SATB2: variants seen among roughly 807,000 people sequenced by gnomAD.
The protein encoded by SATB2 is DNA-binding protein SATB2.
A neutral mutation model predicts 73.4 loss-of-function variants in SATB2; 1 was observed. The observed-to-expected ratio is 0.01, with a 90% CI of 0.00 to 0.06. The LOEUF is 0.06. Ranked by LOEUF, SATB2 falls within the 10% of genes least tolerant of loss-of-function variation. The pLI, the probability that SATB2 is intolerant of heterozygous loss-of-function variation, is 1.00. For missense variants in SATB2, 459 were observed against 945.8 expected (o/e 0.49, Z 6.75); for synonymous variants, 397 against 367.0 (o/e 1.08, Z -0.93).
intron 6 of SATB2, among the ~76,000 whole-genome samples, chr2:199,351,223 G>A (rs865844162): frequency 1.7e-4 from 26 of 148,758 alleles, no homozygotes; most frequent in African/African-American, 4.0e-4. Flanking sequence ...GTGCAATGGC[G>A]CAATCTCAGC....
At chr2:199,416,603 G>A (rs945337129) in intron 3 of SATB2, among the ~76,000 whole-genome samples, 3 of 152,210 alleles carry the variant, frequency 2.0e-5, no homozygotes, top group Non-Finnish European at 4.4e-5. Flanking sequence ...GAGAGAAACA[G>A]TAAAGTAGAA....
At chr2:199,451,234 T>C (rs967009612) in intron 2 of SATB2, among the ~76,000 whole-genome samples, 3 of 151,956 alleles carry the variant, frequency 2.0e-5, no homozygotes, top group Admixed American at 2.0e-4. Context: ...TGCTCAGGAC[T>C]TTGAGGGGCG....
At chr2:199,310,333 T>A (rs1687562266) in intron 9 of SATB2, among the ~76,000 whole-genome samples, 1 of 151,990 alleles carries the variant, frequency 6.6e-6, no homozygotes, top group East Asian at 1.9e-4. Flanking sequence ...CTTGGGAGAG[T>A]TAGAAGGTTA....
intron 10 of SATB2, among the ~76,000 whole-genome samples, chr2:199,303,226 A>T (rs1185140434): frequency 6.6e-6 from 1 of 152,180 alleles, no homozygotes; most frequent in Non-Finnish European, 1.5e-5. Context: ...TCAATTTCTC[A>T]TCTGTGAAAG....
intron 3 of SATB2, among the ~76,000 whole-genome samples, chr2:199,382,636 G>T (rs184305596): frequency 3.2e-4 from 48 of 152,248 alleles, no homozygotes; most frequent in Admixed American, 5.9e-4. Context: ...TGGTGAAAAT[G>T]CTAACTTATT....
chr2:199,302,138 TAC>T (rs1367117803), intron 10 of SATB2, among the ~76,000 whole-genome samples: 1 of 152,190 alleles, frequency 6.6e-6, no homozygotes, highest in Non-Finnish European at 1.5e-5. Flanking sequence ...TTTTAAATTG[TAC>T]AGTGTCTTAG....
chr2:199,300,397 G>C lies in SATB2; in HGVS notation c.1740+8363C>G, dbSNP rs1687249233. Among the ~76,000 whole-genome samples the C allele has an allele frequency of 6.7e-5, 10 of 150,264 alleles. No individual in the cohort carries two copies. In the South Asian group the frequency reaches 2.1e-3, roughly 31 times the overall value. ...TGTCAAAAAAAAAAAAAAAGTCAAG[G>C]CACTAAAGGTTTAATATTATACCTG... On this transcript the variant is annotated intron_variant, in intron 10 of 10. Transcript: ENST00000417098.
chr2:199,375,062 G>A (rs1425968917), intron 5 of SATB2, among the ~76,000 whole-genome samples: 1 of 152,038 alleles, frequency 6.6e-6, no homozygotes, highest in East Asian at 1.9e-4. Context: ...GATGCACAAG[G>A]CAGGTACTGG....
intron 3 of SATB2, among the ~76,000 whole-genome samples, chr2:199,398,777 T>C (rs1402911621): frequency 6.6e-6 from 1 of 152,230 alleles, no homozygotes; most frequent in Non-Finnish European, 1.5e-5. Flanking sequence ...AAATGACTGA[T>C]TTCTTATTTA....
At chr2:199,351,780 G>A (rs1187319064) in intron 6 of SATB2, among the ~76,000 whole-genome samples, 1 of 152,072 alleles carries the variant, frequency 6.6e-6, no homozygotes, top group African/African-American at 2.4e-5. Context: ...TTGTTTATTT[G>A]CTTTTAATTC....
At chr2:199,444,814 T>C (rs1384394388) in intron 2 of SATB2, among the ~76,000 whole-genome samples, 2 of 152,198 alleles carry the variant, frequency 1.3e-5, no homozygotes, top group South Asian at 2.1e-4. Flanking sequence ...GAAGAAACTA[T>C]ACATGACAGT....
chr2:199,426,771 C>T (rs1574618972), intron 3 of SATB2, among the ~76,000 whole-genome samples: 1 of 151,450 alleles, frequency 6.6e-6, no homozygotes, highest in Admixed American at 6.6e-5. Context: ...GAATTCCTTT[C>T]CAAAATTATG....
At chr2:199,354,514 T>C (rs1688915337) in intron 6 of SATB2, among the ~76,000 whole-genome samples, 1 of 152,190 alleles carries the variant, frequency 6.6e-6, no homozygotes, top group African/African-American at 2.4e-5. Context: ...CCCCAGTTTC[T>C]AATGTAAGTC....
At chr2:199,400,725 G>A (rs1467667690) in intron 3 of SATB2, among the ~76,000 whole-genome samples, 1 of 152,106 alleles carries the variant, frequency 6.6e-6, no homozygotes, top group Non-Finnish European at 1.5e-5. Flanking sequence ...TTTTGCAGAT[G>A]AGAACACCAG....
At chr2:199,416,878 T>C (rs1691004370) in intron 3 of SATB2, among the ~76,000 whole-genome samples, 1 of 151,898 alleles carries the variant, frequency 6.6e-6, no homozygotes, top group Non-Finnish European at 1.5e-5. Context: ...CTACTAAAAA[T>C]ACAAAATATT....
chr2:199,311,587 C>A (rs1040708322), intron 9 of SATB2, among the ~76,000 whole-genome samples: 5 of 149,774 alleles, frequency 3.3e-5, no homozygotes, highest in Non-Finnish European at 5.9e-5. Context: ...TCCTAAAGGC[C>A]GTTATTCCCT....
chr2:199,414,002 T>G (rs1690899635), intron 3 of SATB2, among the ~76,000 whole-genome samples: 1 of 152,190 alleles, frequency 6.6e-6, no homozygotes, highest in African/African-American at 2.4e-5. Context: ...ACTGACATAT[T>G]CCTAACATGT....
At chr2:199,367,464 A>G (rs1689320178) in intron 6 of SATB2, among the ~76,000 whole-genome samples, 1 of 152,156 alleles carries the variant, frequency 6.6e-6, no homozygotes, top group East Asian at 1.9e-4. Flanking sequence ...CAATGTTTGT[A>G]AACTTCATTT....
intron 8 of SATB2, among the ~76,000 whole-genome samples, chr2:199,326,971 T>G (rs1047667619): frequency 2.0e-5 from 3 of 152,154 alleles, no homozygotes; most frequent in Non-Finnish European, 4.4e-5. Flanking sequence ...AGAGTTAAAA[T>G]GTGTGAAAAA....
Sources: allele counts gnomAD v4.1 joint callset (sites outside exome capture counted in the v4.1 genomes callset), GRCh38; gene constraint gnomAD v4.1.1; transcripts MANE v1.5; gene names NCBI Gene and HGNC (gene_info 2026-07-23, HGNC 2026-07-21).